The following BNC2 variants were observed in gnomAD, a reference collection of about 807,000 sequenced individuals.
The protein encoded by BNC2 is zinc finger protein basonuclin-2.
In BNC2, 20 loss-of-function variants were observed where a neutral mutation model predicts 76.3. The observed-to-expected ratio is 0.26, with a 90% CI of 0.18 to 0.38. BNC2 has a LOEUF of 0.38. Among genes scored for constraint, BNC2 ranks in the 10% least tolerant of loss-of-function variants. BNC2 has a pLI of 1.00. For synonymous variants in BNC2, 582 were observed against 514.8 expected, an observed-to-expected ratio of 1.13 and a Z score of -1.77; for missense variants, 1,382 against 1,399.8, an observed-to-expected ratio of 0.99 and a Z score of 0.20.
At position 16,798,999 on chromosome 9, in the gene BNC2, C is replaced by A. The variant is rs1046289292; in HGVS notation, c.4-60514G>T. Among the ~76,000 whole-genome samples, 6 of 152,280 alleles carry A rather than the reference C, an allele frequency of 3.9e-5. No individual in the cohort carries two copies. In the East Asian group the frequency reaches 5.8e-4, roughly 15 times the overall value. Reference sequence around the variant, plus strand: ...ATGTCAGGGGGCTCTGAGAGTCATACAAACATCAACAAGCCTGTAGTTTTT... The same window carrying A: ...ATGTCAGGGGGCTCTGAGAGTCATAAAAACATCAACAAGCCTGTAGTTTTT... On this transcript the variant is annotated intron_variant, in intron 1 of 6. Transcript: ENST00000380672.
intron 1 of BNC2, among the ~76,000 whole-genome samples, 171 bp downstream of exon 1, chr9:16,870,475 G>T (rs944456786): frequency 6.6e-6 from 1 of 152,010 alleles, no homozygotes; most frequent in Non-Finnish European, 1.5e-5. Flanking sequence ...GCGGGGATCA[G>T]GTCGGACCGG....
chr9:16,861,801 A>G (rs1252309243), intron 1 of BNC2, among the ~76,000 whole-genome samples: 1 of 152,204 alleles, frequency 6.6e-6, no homozygotes, highest in Non-Finnish European at 1.5e-5. Flanking sequence ...CATCCTGGCT[A>G]ACACAGTGAA....
chr9:16,856,761 C>T (rs1455132130), intron 1 of BNC2, among the ~76,000 whole-genome samples: 2 of 152,120 alleles, frequency 1.3e-5, no homozygotes, highest in African/African-American at 4.8e-5. Context: ...TCTTTTAAAT[C>T]ACCATTTTGA....
chr9:16,639,589 A>AC (rs1821428128), intron 3 of BNC2, among the ~76,000 whole-genome samples: 1 of 152,046 alleles, frequency 6.6e-6, no homozygotes, highest in Non-Finnish European at 1.5e-5. Context: ...AACCAAATGA[A>AC]CCTTACAACA....
chr9:16,735,435 C>A (rs952889807), intron 2 of BNC2, among the ~76,000 whole-genome samples: 1 of 150,062 alleles, frequency 6.7e-6, no homozygotes, highest in Admixed American at 6.6e-5. Context: ...GGGGCGCACA[C>A]AACGGGAAAT....
chr9:16,606,376 G>T (rs894699804), intron 3 of BNC2, among the ~76,000 whole-genome samples: 7 of 152,086 alleles, frequency 4.6e-5, no homozygotes, highest in African/African-American at 1.7e-4. Context: ...TATTTATATG[G>T]TTTGGCTCTG....
At chr9:16,664,128 C>A (rs116259688) in intron 3 of BNC2, among the ~76,000 whole-genome samples, 1 of 151,926 alleles carries the variant, frequency 6.6e-6, no homozygotes, top group Non-Finnish European at 1.5e-5. Context: ...AGGGAAATAC[C>A]ACGACAAAAA....
chr9:16,452,598 C>T (rs1416618014), intron 5 of BNC2, among the ~76,000 whole-genome samples: 3 of 152,002 alleles, frequency 2.0e-5, no homozygotes, highest in East Asian at 1.9e-4. Flanking sequence ...TCAGTAGAGA[C>T]GGGGTTTCAC....
intron 3 of BNC2, among the ~76,000 whole-genome samples, chr9:16,614,937 C>A (rs2133481670): frequency 1.8e-5 from 2 of 113,166 alleles, no homozygotes; most frequent in Non-Finnish European, 3.5e-5. Context: ...GCTTGGATGA[C>A]AGAGTGAGAC....
chr9:16,667,621 TTTTC>T (rs1479296392), intron 3 of BNC2, among the ~76,000 whole-genome samples: 4 of 152,210 alleles, frequency 2.6e-5, no homozygotes, highest in Admixed American at 6.5e-5. Context: ...TTTGACAGCA[TTTTC>T]TTTCTAGCAT....
chr9:16,837,045 T>C (rs1319810403), intron 1 of BNC2, among the ~76,000 whole-genome samples: 2 of 152,142 alleles, frequency 1.3e-5, no homozygotes, highest in Non-Finnish European at 2.9e-5. Flanking sequence ...GTATCTCAGG[T>C]GGGGGACTAC....
intron 5 of BNC2, among the ~76,000 whole-genome samples, chr9:16,437,919 T>C (rs758034431): frequency 6.6e-6 from 1 of 152,208 alleles, no homozygotes; most frequent in Admixed American, 6.5e-5. Flanking sequence ...AATGGTACCT[T>C]AGTCCTTATT....
chr9:16,535,005 A>C (rs554408689), intron 5 of BNC2, among the ~76,000 whole-genome samples: 1 of 152,180 alleles, frequency 6.6e-6, no homozygotes, highest in Non-Finnish European at 1.5e-5. Flanking sequence ...TTTTCTGTAG[A>C]TCTGTAGATA....
chr9:16,428,512 T>G (rs1354210386), intron 6 of BNC2, among the ~76,000 whole-genome samples: 2 of 152,240 alleles, frequency 1.3e-5, no homozygotes, highest in Admixed American at 6.5e-5. Flanking sequence ...CTTATTTATG[T>G]GGATGTTTAT....
chr9:16,547,143 A>G (rs949886711), intron 5 of BNC2, among the ~76,000 whole-genome samples: 1 of 152,250 alleles, frequency 6.6e-6, no homozygotes, highest in Non-Finnish European at 1.5e-5. Context: ...AGAGGAGGAA[A>G]AGAGGTAACT....
At chr9:16,734,864 C>G (rs1824619413) in intron 2 of BNC2, among the ~76,000 whole-genome samples, 1 of 152,188 alleles carries the variant, frequency 6.6e-6, no homozygotes, top group African/African-American at 2.4e-5. Flanking sequence ...GGTCAAATCA[C>G]TTTAAACAGT....
chr9:16,499,351 T>C (rs1295234095), intron 5 of BNC2, among the ~76,000 whole-genome samples: 1 of 152,070 alleles, frequency 6.6e-6, no homozygotes, highest in Non-Finnish European at 1.5e-5. Context: ...GAAATTAGTT[T>C]GTATTAATCT....
intron 1 of BNC2, among the ~76,000 whole-genome samples, chr9:16,850,494 T>C (rs1265997904): frequency 6.6e-6 from 1 of 152,244 alleles, no homozygotes; most frequent in Non-Finnish European, 1.5e-5. Context: ...TTGCTCAAAA[T>C]ATTTCTAGAA....
chr9:16,738,286 A>G (rs1824737428), intron 2 of BNC2, 74 bp downstream of exon 2: 5 of 1,499,790 alleles, frequency 3.3e-6, no homozygotes, highest in Middle Eastern at 1.7e-4. Context: ...GGTGAGAGAT[A>G]TATCTTAACT....
Sources: allele counts gnomAD v4.1 joint callset (sites outside exome capture counted in the v4.1 genomes callset), GRCh38; gene constraint gnomAD v4.1.1; transcripts MANE v1.5; gene names NCBI Gene and HGNC (gene_info 2026-07-23, HGNC 2026-07-21).